Variants in DISC1 observed in about 807,000 individuals in gnomAD.
The protein encoded by DISC1 is disrupted in schizophrenia 1 protein.
In DISC1, 57 loss-of-function variants were observed where a neutral mutation model predicts 84.5. That is an observed-to-expected ratio of 0.67 (90% CI 0.55 to 0.84). The LOEUF is 0.84. Among genes scored for constraint, DISC1 ranks in the 40% least tolerant of loss-of-function variants. The pLI is 0.00. For synonymous variants in DISC1, 411 were observed against 415.2 expected (o/e 0.99, Z 0.12); for missense variants, 1,000 against 1,057.8 (o/e 0.95, Z 0.76).
At chr1:232,025,646 G>T (rs934490801) in intron 11 of DISC1, among the ~76,000 whole-genome samples, 1 of 149,622 alleles carries the variant, frequency 6.7e-6, no homozygotes, top group Non-Finnish European at 1.5e-5. Flanking sequence ...GCCCAGGCTG[G>T]AGTGCAGTGG....
At chr1:231,817,907 G>A (rs1224026934) in intron 8 of DISC1, among the ~76,000 whole-genome samples, 2 of 152,096 alleles carry the variant, frequency 1.3e-5, no homozygotes, top group Non-Finnish European at 2.9e-5. Context: ...GAGTAACAGG[G>A]GAGGAATTTA....
rs904371819 is a variant in DISC1, at chr1:231,723,455, G to A, written c.1117+21431G>A. 4 of 985,326 alleles carry A rather than the reference G, an allele frequency of 4.1e-6. No homozygotes were observed. In the Admixed American group the frequency reaches 1.8e-4, roughly 45 times the overall value. 61.0% of individuals were successfully genotyped at this position (985,326 alleles called of 1,614,324 possible). A position where few individuals can be genotyped will look rare whatever the true frequency, so the allele number is the denominator to read the frequency against. ...CACTGGCTACGACCTTACTCTTTGT[G>A]CAGAACTTATTTCTGGTCTGGTTTA... On this transcript the variant is annotated intron_variant, in intron 3 of 12. Coordinates refer to ENST00000439617, the MANE Select transcript of DISC1 (RefSeq NM_018662.3).
intron 9 of DISC1, among the ~76,000 whole-genome samples, chr1:231,907,735 T>G (rs1027150367): frequency 2.0e-5 from 3 of 152,346 alleles, no homozygotes; most frequent in Non-Finnish European, 2.9e-5. Context: ...TTCTAGATCC[T>G]TGAGGAATCG....
intron 2 of DISC1, among the ~76,000 whole-genome samples, chr1:231,695,626 CGTGT>C (rs74987968): frequency 2.0e-5 from 3 of 150,816 alleles, no homozygotes; most frequent in Non-Finnish European, 3.0e-5. Context: ...CCTGTGTGTG[CGTGT>C]GTGTGTGTGC....
chr1:232,024,503 G>A (rs1215836357), intron 11 of DISC1, among the ~76,000 whole-genome samples: 1 of 152,004 alleles, frequency 6.6e-6, no homozygotes, highest in Non-Finnish European at 1.5e-5. Context: ...ACCGCACCTG[G>A]GCATTTTGTT....
Position 231,636,464 on chromosome 1 carries a change from T to C in DISC1, c.67+9530T>C, listed in dbSNP as rs74143897. 5.0e-3 allele frequency among the ~76,000 whole-genome samples: 765 copies of C among 152,296 alleles called. 13 individuals are homozygous for C. The highest frequency in any genetic ancestry group is 0.016 in the African/African-American group (681 of 41,582). On this transcript the variant is annotated intron_variant, in intron 1 of 12. Coordinates refer to ENST00000439617, the MANE Select transcript of DISC1 (RefSeq NM_018662.3). ...CCCTCCTAATCATGCAGCTTTTGTATGTCTTTCTTTACTTGACTTAAATTG... is the reference window on the plus strand; with the variant it reads ...CCCTCCTAATCATGCAGCTTTTGTACGTCTTTCTTTACTTGACTTAAATTG...
rs2081853096 is a variant in DISC1, at chr1:231,826,220, G to A, written c.1981+7703G>A. Among the ~76,000 whole-genome samples the A allele has an allele frequency of 6.6e-6, 1 of 152,098 alleles. No individual in the cohort carries two copies. Among genetic ancestry groups the A allele is most frequent in the South Asian group, 2.1e-4 (1 of 4,822 alleles). On this transcript the variant is annotated intron_variant, in intron 9 of 12. Transcript: ENST00000439617. The surrounding 1 kb of genome is among the most constrained non-coding windows in gnomAD (Gnocchi z 4.2). The stretch of plus-strand genomic sequence containing the variant: ...AAGGATCCTGTCACAGAGCCTTCAG[G>A]GGGCAAGGCCACCATCTGAATCCCT...
At chr1:231,972,181 T>C (rs1409063336) in intron 10 of DISC1, among the ~76,000 whole-genome samples, 2 of 152,204 alleles carry the variant, frequency 1.3e-5, no homozygotes, top group Admixed American at 6.5e-5. Flanking sequence ...GAATTTACTT[T>C]TGTTTTGTTG....
intron 4 of DISC1, 194 bp downstream of exon 4, chr1:231,750,270 A>G: frequency 7.2e-7 from 1 of 1,381,470 alleles, no homozygotes; most frequent in Non-Finnish European, 9.3e-7. Context: ...GCATCTCTAG[A>G]AAGAAGACTT....
chr1:231,682,648 GT>G (rs962340792), intron 1 of DISC1, among the ~76,000 whole-genome samples: 4 of 151,994 alleles, frequency 2.6e-5, no homozygotes, highest in African/African-American at 4.8e-5. Flanking sequence ...GCATATACAT[GT>G]TTTTTTTAGA....
intron 9 of DISC1, among the ~76,000 whole-genome samples, chr1:231,920,909 T>A (rs1218989261): frequency 2.0e-5 from 3 of 148,654 alleles, no homozygotes; most frequent in Non-Finnish European, 3.0e-5. Context: ...ACTGCTATTT[T>A]TTTTTTTTTT....
intron 9 of DISC1, among the ~76,000 whole-genome samples, chr1:231,937,396 CT>C (rs1276327768): frequency 6.6e-6 from 1 of 152,202 alleles, no homozygotes; most frequent in African/African-American, 2.4e-5. Context: ...GCATTTAGTG[CT>C]TTCAGAGATC....
At chr1:231,927,378 C>G (rs1338637229) in intron 9 of DISC1, among the ~76,000 whole-genome samples, 1 of 152,244 alleles carries the variant, frequency 6.6e-6, no homozygotes, top group African/African-American at 2.4e-5. Flanking sequence ...GATGCTTCAA[C>G]TTCCCAAGAC....
At position 232,009,242 on chromosome 1, in the gene DISC1, G is replaced by T; in HGVS notation, c.2307+193G>T. ...TTGTAGAAGTTTGAAATATAGAAGA[G>T]CAAAAAAACCCAACTTTTGGCATAT... is the stretch of plus-strand genomic sequence containing the variant. On this transcript the variant is annotated intron_variant, in intron 11 of 12. Coordinates refer to ENST00000439617, the MANE Select transcript of DISC1 (RefSeq NM_018662.3). The surrounding 1 kb of genome is among the most constrained non-coding windows in gnomAD (Gnocchi z 4.6). 1 of 1,380,874 alleles carries T rather than the reference G, an allele frequency of 7.2e-7. No homozygotes were observed. The highest frequency in any genetic ancestry group is 9.4e-7 in the Non-Finnish European group (1 of 1,069,462). The allele number at this position is 1,380,874 out of a possible 1,614,324, so 85.5% of individuals were successfully genotyped here. A position where few individuals can be genotyped will look rare whatever the true frequency, so the allele number is the denominator to read the frequency against.
chr1:231,783,600 A>G (rs16854967), intron 6 of DISC1, among the ~76,000 whole-genome samples: 18,423 of 152,210 alleles, frequency 0.12, 1,214 homozygotes, highest in Non-Finnish European at 0.15. Context: ...CAAGTTCATC[A>G]GTTAAAAATA....
intron 9 of DISC1, among the ~76,000 whole-genome samples, chr1:231,952,106 A>AG (rs1265343557): frequency 1.5e-4 from 23 of 150,732 alleles, no homozygotes; most frequent in African/African-American, 5.3e-4. Context: ...AAAAAAAAAA[A>AG]AAAAAAAGAA....
rs181058228 is a variant in DISC1, at chr1:231,629,583, C to T, written c.67+2649C>T. On this transcript the variant is annotated intron_variant, in intron 1 of 12. Coordinates refer to ENST00000439617, the MANE Select transcript of DISC1 (RefSeq NM_018662.3). Reference sequence around the variant, plus strand: ...AGAAAGCTACAAACAAGTAAGTGAACACTAAAAAATACTGTAATCTCACCA... The same window carrying T: ...AGAAAGCTACAAACAAGTAAGTGAATACTAAAAAATACTGTAATCTCACCA... 5.0e-3 allele frequency: 771 copies of T among 152,700 alleles called. 2 individuals carry two copies. Among genetic ancestry groups the T allele is most frequent in the Non-Finnish European group, 8.2e-3 (558 of 68,022 alleles). 9.5% of individuals were successfully genotyped at this position (152,700 alleles called of 1,614,324 possible). A position where few individuals can be genotyped will look rare whatever the true frequency, so the allele number is the denominator to read the frequency against.
intron 10 of DISC1, among the ~76,000 whole-genome samples, chr1:231,983,358 G>A (rs999266352): frequency 2.0e-5 from 3 of 151,328 alleles, no homozygotes; most frequent in Admixed American, 6.6e-5. Context: ...GAGTCAGGGG[G>A]TGCAGAAGCT....
intron 10 of DISC1, among the ~76,000 whole-genome samples, chr1:232,000,635 T>C (rs898715599): frequency 1.8e-4 from 27 of 152,110 alleles, no homozygotes; most frequent in African/African-American, 6.0e-4. Flanking sequence ...AAATCCACAC[T>C]AAGACACATA....
Sources: allele counts gnomAD v4.1 joint callset (sites outside exome capture counted in the v4.1 genomes callset), GRCh38; gene constraint gnomAD v4.1.1; non-coding constraint Gnocchi (gnomAD v3.1); transcripts MANE v1.5; gene names NCBI Gene and HGNC (gene_info 2026-07-23, HGNC 2026-07-21).